Variants in CHFR observed in about 807,000 individuals in gnomAD.
The protein encoded by CHFR is E3 ubiquitin-protein ligase CHFR.
CHFR carries 57 observed loss-of-function variants against 87.6 expected under a neutral mutation model. The ratio of observed to expected loss-of-function variants is 0.65; its 90% CI spans 0.53 to 0.81. The LOEUF (loss-of-function observed/expected upper bound fraction) is 0.81. Among genes scored for constraint, CHFR ranks in the 30% least tolerant of loss-of-function variants. The pLI is 0.00. For synonymous variants in CHFR, 381 were observed against 359.2 expected (o/e 1.06, Z -0.69); for missense variants, 797 against 865.8 (o/e 0.92, Z 1.00).
At chr12:132,869,864 A>C (rs1951444318) in intron 5 of CHFR, 66 bp from the exon 6 acceptor site, 1 of 1,525,038 alleles carries the variant, frequency 6.6e-7, no homozygotes, top group Non-Finnish European at 8.9e-7. Context: ...GAAGCAGCAC[A>C]CAACCAGGGC....
At chr12:132,843,958 A>AG in intron 16 of CHFR, 69 bp downstream of exon 16, 1 of 963,924 alleles carries the variant, frequency 1.0e-6, no homozygotes, top group Non-Finnish European at 1.6e-6. Flanking sequence ...AAAAAAAAAA[A>AG]AGAGAGGCAG....
intron 15 of CHFR, among the ~76,000 whole-genome samples, chr12:132,845,741 GTGAC>G (rs1950808248): frequency 6.6e-6 from 1 of 152,074 alleles, no homozygotes; most frequent in Admixed American, 6.6e-5. Context: ...CCCTCACCAA[GTGAC>G]TGACACATCA....
chr12:132,863,912 C>T (rs1042928830), intron 6 of CHFR, among the ~76,000 whole-genome samples: 5 of 152,246 alleles, frequency 3.3e-5, no homozygotes, highest in Admixed American at 1.3e-4. Context: ...GTGTGCACCA[C>T]CATGCCCAGC....
At chr12:132,856,665 A>G (rs1951076242) in intron 9 of CHFR, 35 bp from the exon 10 acceptor site, 4 of 1,607,340 alleles carry the variant, frequency 2.5e-6, no homozygotes, top group Non-Finnish European at 3.4e-6. Context: ...ATTCACCGGC[A>G]GTGAGACATG....
chr12:132,871,700 A>G (rs1951494250), intron 4 of CHFR, among the ~76,000 whole-genome samples: 1 of 152,084 alleles, frequency 6.6e-6, no homozygotes, highest in Admixed American at 6.6e-5. Context: ...TGAACCCGGC[A>G]GGTGGAGATT....
chr12:132,843,198 G>T (rs1950738270), intron 16 of CHFR, 115 bp from the exon 17 acceptor site: 1 of 888,224 alleles, frequency 1.1e-6, no homozygotes, highest in South Asian at 1.4e-5. Flanking sequence ...CACGGCCTCT[G>T]GTCCCTCCAT....
At chr12:132,861,712 T>C in intron 6 of CHFR, 78 bp from the exon 7 acceptor site, 1 of 1,366,352 alleles carries the variant, frequency 7.3e-7, no homozygotes. Flanking sequence ...TGTCACTGAC[T>C]GGAGCCCAGT....
chr12:132,861,322 C>T (rs1038142135), intron 7 of CHFR, 145 bp downstream of exon 7: 20 of 721,308 alleles, frequency 2.8e-5, no homozygotes, highest in Non-Finnish European at 4.0e-5. Context: ...AATGAAAATG[C>T]CGGAGGTGTT....
intron 2 of CHFR, among the ~76,000 whole-genome samples, chr12:132,882,069 T>C (rs751415679): frequency 3.9e-5 from 6 of 151,966 alleles, no homozygotes; most frequent in Non-Finnish European, 5.9e-5. Context: ...AAGAGAAAAA[T>C]GTATGTCCCT....
Position 132,834,756 on chromosome 12 carries a change from C to T in CHFR, c.*6798G>A, listed in dbSNP as rs1451942311. On this transcript the variant is annotated 3_prime_UTR_variant, in exon 18 of 18. Transcript: ENST00000450056. Reference sequence around the variant, plus strand: ...TTTGAGATAGAGTCTCGCTCTGTCGCCCAGGCGGGAGTGCAGTGGTGCGAT... The same window carrying T: ...TTTGAGATAGAGTCTCGCTCTGTCGTCCAGGCGGGAGTGCAGTGGTGCGAT... 180 of 150,078 alleles carry T rather than the reference C, an allele frequency of 1.2e-3. 1 individual carries two copies. The highest frequency in any genetic ancestry group is 4.3e-3 in the African/African-American group (176 of 40,614). 9.3% of individuals were successfully genotyped at this position (150,078 alleles called of 1,614,324 possible).
intron 17 of CHFR, among the ~76,000 whole-genome samples, chr12:132,842,712 C>T (rs1009223379): frequency 6.6e-6 from 1 of 152,240 alleles, no homozygotes; most frequent in Admixed American, 6.5e-5. Flanking sequence ...GGGCCTGAGG[C>T]CCTCAGTGAC....
At chr12:132,870,398 G>A (rs930047849) in intron 5 of CHFR, among the ~76,000 whole-genome samples, 49 of 149,644 alleles carry the variant, frequency 3.3e-4, no homozygotes, top group African/African-American at 1.1e-3. Context: ...CAGGCGTGAC[G>A]GTGCAACCTG....
At chr12:132,881,196 T>C (rs61952827) in intron 2 of CHFR, among the ~76,000 whole-genome samples, 1 of 149,906 alleles carries the variant, frequency 6.7e-6, no homozygotes, top group South Asian at 2.1e-4. Context: ...GAGGTGGAGG[T>C]TGCAGTGAGC....
At chr12:132,850,222 T>C (rs951251574) in intron 12 of CHFR, among the ~76,000 whole-genome samples, 1 of 152,218 alleles carries the variant, frequency 6.6e-6, no homozygotes, top group African/African-American at 2.4e-5. Flanking sequence ...CAAAGGAAAT[T>C]ATTTTTAATT....
At chr12:132,858,865 T>A (rs1210109868) in intron 8 of CHFR, among the ~76,000 whole-genome samples, 2 of 139,758 alleles carry the variant, frequency 1.4e-5, no homozygotes, top group Non-Finnish European at 3.0e-5. Context: ...AACCGCTCAA[T>A]CCTGGGAGGG....
chr12:132,873,615 GTCC>G (rs1242376556), intron 3 of CHFR, among the ~76,000 whole-genome samples: 4 of 142,274 alleles, frequency 2.8e-5, no homozygotes, highest in Non-Finnish European at 4.6e-5. Flanking sequence ...GACTTTCTGT[GTCC>G]TCCTGCTCCA....
At chr12:132,859,484 G>A (rs1951167025) in intron 7 of CHFR, among the ~76,000 whole-genome samples, 1 of 151,998 alleles carries the variant, frequency 6.6e-6, no homozygotes, top group Admixed American at 6.6e-5. Flanking sequence ...CTGAGTAGCT[G>A]GGACTACAGG....
Position 132,857,425 on chromosome 12 carries a change from G to A in CHFR, c.1046C>T (p.Ala349Val), listed in dbSNP as rs1241168194. Residue 349 changes from alanine to valine, a missense_variant, in exon 9 of 18, where the codon GCA becomes GTA. Transcript: ENST00000450056. Reference sequence around the variant, plus strand: ...CTTGCCTGGATGCTGGATGAGGTATGCTTCCACGAGGTTGTTGAGGATGTG... The same window carrying A: ...CTTGCCTGGATGCTGGATGAGGTATACTTCCACGAGGTTGTTGAGGATGTG... ...KNHILNNLVE[A>V]YLIQHPDKSR... is the part of the protein sequence containing the mutation. The A allele has an allele frequency of 6.2e-7, 1 of 1,614,086 alleles. No homozygotes were observed. Among genetic ancestry groups the A allele is most frequent in the East Asian group, 2.2e-5 (1 of 44,894 alleles).
At chr12:132,887,138 C>A (rs1191997919) in intron 2 of CHFR, 58 bp downstream of exon 2, 10 of 1,393,832 alleles carry the variant, frequency 7.2e-6, no homozygotes, top group African/African-American at 1.5e-5. Flanking sequence ...GTGTGGCCTG[C>A]CCGCAACCCG....
Sources: allele counts gnomAD v4.1 joint callset (sites outside exome capture counted in the v4.1 genomes callset), GRCh38; gene constraint gnomAD v4.1.1; transcripts MANE v1.5; gene names NCBI Gene and HGNC (gene_info 2026-07-23, HGNC 2026-07-21).